The following FRAS1 variants were observed in gnomAD, a reference collection of about 807,000 sequenced individuals.
The protein encoded by FRAS1 is Fraser extracellular matrix complex subunit 1, also known as extracellular matrix organizing protein FRAS1.
In FRAS1, 290 loss-of-function variants were observed where a neutral mutation model predicts 435.2. That is an observed-to-expected ratio of 0.67 (90% CI 0.61 to 0.73). The LOEUF (loss-of-function observed/expected upper bound fraction) is 0.73, where lower values mean the gene tolerates loss of function less well. FRAS1 is among the 30% of genes least tolerant of loss of function. FRAS1 has a pLI of 0.00. For missense variants in FRAS1, 4,860 were observed against 5,001.5 expected (o/e 0.97, Z 0.85); for synonymous variants, 1,800 against 1,851.0 (o/e 0.97, Z 0.71).
chr4:78,524,454 C>T (rs950553503), intron 69 of FRAS1, among the ~76,000 whole-genome samples: 1 of 152,106 alleles, frequency 6.6e-6, no homozygotes, highest in Non-Finnish European at 1.5e-5. Flanking sequence ...AGAGGTGAGA[C>T]AACTTATGGT....
chr4:78,208,055 A>C (rs1723336733), intron 2 of FRAS1, among the ~76,000 whole-genome samples: 1 of 152,182 alleles, frequency 6.6e-6, no homozygotes, highest in Admixed American at 6.5e-5. Flanking sequence ...AGGACCCAGG[A>C]GACACCGCAA....
At chr4:78,286,587 C>G (rs997310777) in intron 14 of FRAS1, 48 bp downstream of exon 14, 1 of 1,583,346 alleles carries the variant, frequency 6.3e-7, no homozygotes, top group African/African-American at 1.3e-5. Flanking sequence ...AGACAGCTCC[C>G]CAACCCTGAC....
At chr4:78,245,474 G>C in intron 4 of FRAS1, 149 bp downstream of exon 4, 1 of 614,870 alleles carries the variant, frequency 1.6e-6, no homozygotes, top group Non-Finnish European at 2.9e-6. Flanking sequence ...TGAGCATTTA[G>C]GTTTCTTGTA....
At chr4:78,479,741 T>C in intron 56 of FRAS1, 23 bp downstream of exon 56, 1 of 1,503,496 alleles carries the variant, frequency 6.7e-7, no homozygotes, top group Non-Finnish European at 9.0e-7. Flanking sequence ...GTCTCTGAGT[T>C]TCCTTCACCT....
At chr4:78,273,591 G>A (rs886140761) in intron 9 of FRAS1, among the ~76,000 whole-genome samples, 10 of 152,172 alleles carry the variant, frequency 6.6e-5, no homozygotes, top group African/African-American at 2.4e-4. Context: ...TTTGTTTTTG[G>A]TTCTGTTTAT....
chr4:78,470,821 G>A (rs548445460), intron 51 of FRAS1, among the ~76,000 whole-genome samples: 5 of 152,028 alleles, frequency 3.3e-5, no homozygotes, highest in Non-Finnish European at 7.4e-5. Flanking sequence ...CAGCATATGG[G>A]AAGGAGGAAA....
rs187635965 is a variant in FRAS1 at position 78,540,094 on chromosome 4, T to C, written c.11446-437T>C. Among the ~76,000 whole-genome samples the C allele has an allele frequency of 5.0e-3, 756 of 152,342 alleles. 4 individuals carry two copies. Among genetic ancestry groups the C allele is most frequent in the Non-Finnish European group, 7.7e-3 (527 of 68,034 alleles). On this transcript the variant is annotated intron_variant, in intron 73 of 73. Coordinates refer to ENST00000512123, the MANE Select transcript of FRAS1 (RefSeq NM_025074.7). Reference sequence around the variant, plus strand: ...TATTATGCACAGAGTATATGTTTAGTGAATATTTTGTTGAATGACTCCATT... The same window carrying C: ...TATTATGCACAGAGTATATGTTTAGCGAATATTTTGTTGAATGACTCCATT...
chr4:78,182,643 C>T (rs1001660269), intron 2 of FRAS1, among the ~76,000 whole-genome samples: 3 of 151,836 alleles, frequency 2.0e-5, no homozygotes, highest in African/African-American at 2.4e-5. Context: ...TTTGGGAGGC[C>T]GAGGCAGGCG....
At chr4:78,400,629 A>G (rs2110345020) in intron 29 of FRAS1, 105 bp from the exon 30 acceptor site, 1 of 1,123,252 alleles carries the variant, frequency 8.9e-7, no homozygotes, top group Non-Finnish European at 1.3e-6. Flanking sequence ...TCTCTGTCTT[A>G]TTAGACGATC....
At chr4:78,085,920 C>T (rs1344354357) in intron 2 of FRAS1, among the ~76,000 whole-genome samples, 17 of 152,240 alleles carry the variant, frequency 1.1e-4, no homozygotes, top group East Asian at 3.9e-4. Flanking sequence ...CTGCACCAAG[C>T]GGACCTAATA....
At chr4:78,285,993 ATCT>A (rs758981390) in intron 13 of FRAS1, among the ~76,000 whole-genome samples, 4 of 152,168 alleles carry the variant, frequency 2.6e-5, no homozygotes, top group Non-Finnish European at 4.4e-5. Context: ...GGGGCAAGAG[ATCT>A]TCTTGCTAAA....
At chr4:78,178,303 C>T (rs1721861046) in intron 2 of FRAS1, among the ~76,000 whole-genome samples, 1 of 152,116 alleles carries the variant, frequency 6.6e-6, no homozygotes, top group Non-Finnish European at 1.5e-5. Flanking sequence ...GATTTCTGCT[C>T]TAAGTAGGAG....
intron 70 of FRAS1, among the ~76,000 whole-genome samples, chr4:78,528,525 C>T (rs1454786693): frequency 6.6e-6 from 1 of 152,060 alleles, no homozygotes; most frequent in Non-Finnish European, 1.5e-5. Flanking sequence ...AATGTGAATT[C>T]TCTCTCTCTG....
At chr4:78,418,133 G>A (rs930260469) in intron 32 of FRAS1, among the ~76,000 whole-genome samples, 5 of 152,182 alleles carry the variant, frequency 3.3e-5, no homozygotes, top group African/African-American at 7.2e-5. Context: ...CGCATCAGCC[G>A]TCTGATTAAC....
intron 2 of FRAS1, among the ~76,000 whole-genome samples, chr4:78,222,071 C>T (rs1724078940): frequency 6.6e-6 from 1 of 152,114 alleles, no homozygotes; most frequent in Non-Finnish European, 1.5e-5. Context: ...CCGTGGAGCT[C>T]TGCCCCCCTG....
chr4:78,541,754 C>T lies in FRAS1; in HGVS notation c.*630C>T, dbSNP rs937034004. ...AAAATCCTCTGAAAACCACGGGAGCCTCTGCCTCCTCAGCCACAGAGAACT... is the reference window on the plus strand; with the variant it reads ...AAAATCCTCTGAAAACCACGGGAGCTTCTGCCTCCTCAGCCACAGAGAACT... On this transcript the variant is annotated 3_prime_UTR_variant, in exon 74 of 74. Transcript: ENST00000512123. 4 of 152,200 alleles carry T rather than the reference C, an allele frequency of 2.6e-5. No individual in the cohort carries two copies. Among genetic ancestry groups the T allele is most frequent in the Admixed American group, 2.0e-4 (3 of 15,290 alleles). 9.4% of individuals were successfully genotyped at this position (152,200 alleles called of 1,614,324 possible).
At chr4:78,224,858 T>G (rs758416764) in intron 2 of FRAS1, among the ~76,000 whole-genome samples, 1 of 152,210 alleles carries the variant, frequency 6.6e-6, no homozygotes, top group Non-Finnish European at 1.5e-5. Context: ...AATGACATTT[T>G]AAAATGTGGC....
At chr4:78,480,979 T>C (rs1719994552) in intron 56 of FRAS1, among the ~76,000 whole-genome samples, 1 of 152,118 alleles carries the variant, frequency 6.6e-6, no homozygotes, top group Admixed American at 6.6e-5. Context: ...CCTGGATAGG[T>C]TAAGTCAGTC....
In FRAS1 at chr4:78,308,142, G is replaced by T; in HGVS notation, c.1611G>T (p.Val537=). 6.2e-7 allele frequency: 1 copy of T among 1,613,944 alleles called. No individual in the cohort carries two copies. The highest frequency in any genetic ancestry group is 8.5e-7 in the Non-Finnish European group (1 of 1,179,860). ...HCLACRDPLH[V]LRDGGCESSC... is the part of the protein sequence containing the mutation. ...TGGCCTGCAGAGATCCCCTCCACGTGCTGAGAGATGGCGGCTGTGAGAGCA... is the reference window on the plus strand; with the variant it reads ...TGGCCTGCAGAGATCCCCTCCACGTTCTGAGAGATGGCGGCTGTGAGAGCA... The change falls in exon 15 of 74, where the codon GTG becomes GTT. Residue 537 remains valine, a synonymous_variant. Coordinates refer to ENST00000512123, the MANE Select transcript of FRAS1 (RefSeq NM_025074.7).
Sources: allele counts gnomAD v4.1 joint callset (sites outside exome capture counted in the v4.1 genomes callset), GRCh38; gene constraint gnomAD v4.1.1; transcripts MANE v1.5; gene names NCBI Gene and HGNC (gene_info 2026-07-23, HGNC 2026-07-21).